PTPRM: variants seen among roughly 807,000 people sequenced by gnomAD.
The protein encoded by PTPRM is protein tyrosine phosphatase receptor type M.
PTPRM carries 47 observed loss-of-function variants against 186.7 expected under a neutral mutation model. The observed-to-expected ratio is 0.25, with a 90% CI of 0.20 to 0.32. The LOEUF (loss-of-function observed/expected upper bound fraction) is 0.32. PTPRM is among the 10% of genes least tolerant of loss of function. The pLI, the probability that PTPRM is intolerant of heterozygous loss-of-function variation, is 1.00. For missense variants in PTPRM, 1,494 were observed against 1,865.0 expected (o/e 0.80, Z 3.66); for synonymous variants, 668 against 674.9 (o/e 0.99, Z 0.16).
At chr18:7,769,401 T>C (rs2042169242) in intron 1 of PTPRM, among the ~76,000 whole-genome samples, 1 of 152,218 alleles carries the variant, frequency 6.6e-6, no homozygotes, top group African/African-American at 2.4e-5. Flanking sequence ...GGTGTGAGGA[T>C]TAAACAAGTC....
At chr18:8,318,285 CTTTTTTTTTTTTTT>C (rs140026832) in intron 21 of PTPRM, among the ~76,000 whole-genome samples, 8 of 59,906 alleles carry the variant, frequency 1.3e-4, no homozygotes, top group South Asian at 1.1e-3. Context: ...TTGTTTCCTT[CTTTTTTTTTTTTTT>C]TTTTTTTTTT....
intron 14 of PTPRM, among the ~76,000 whole-genome samples, chr18:8,221,866 C>T (rs554791510): frequency 1.4e-4 from 22 of 152,310 alleles, no homozygotes; most frequent in African/African-American, 4.6e-4. Flanking sequence ...GTGCCAATCA[C>T]CAAGTCTTGG....
At chr18:8,152,354 C>T (rs553602816) in intron 14 of PTPRM, among the ~76,000 whole-genome samples, 7 of 152,206 alleles carry the variant, frequency 4.6e-5, no homozygotes, top group Admixed American at 2.6e-4. Flanking sequence ...TATTTCAGGG[C>T]GAGTTAATAT....
At chr18:7,731,121 C>T (rs2040650053) in intron 1 of PTPRM, among the ~76,000 whole-genome samples, 1 of 152,210 alleles carries the variant, frequency 6.6e-6, no homozygotes, top group Admixed American at 6.5e-5. Flanking sequence ...TTTTATCTTA[C>T]AGGGTTTGCA....
At chr18:8,306,049 C>T (rs1410380547) in intron 20 of PTPRM, among the ~76,000 whole-genome samples, 1 of 152,062 alleles carries the variant, frequency 6.6e-6, no homozygotes, top group Non-Finnish European at 1.5e-5. Flanking sequence ...AGGCGCGCAT[C>T]ACCACACCTG....
At chr18:8,240,237 A>T (rs183717733) in intron 14 of PTPRM, among the ~76,000 whole-genome samples, 22 of 152,186 alleles carry the variant, frequency 1.4e-4, no homozygotes, top group Non-Finnish European at 2.8e-4. Context: ...GGACAAAAGC[A>T]TTTGACCTGT....
intron 1 of PTPRM, among the ~76,000 whole-genome samples, chr18:7,691,827 C>G (rs1052217948): frequency 2.6e-5 from 4 of 151,806 alleles, no homozygotes; most frequent in East Asian, 3.9e-4. Flanking sequence ...CCAAGCTACT[C>G]AGGCGGCTGA....
In PTPRM at chr18:8,142,259, C is replaced by T. The variant is rs112980543; in HGVS notation, c.2168-1388C>T. Among the ~76,000 whole-genome samples, 166 of 152,236 alleles carry T rather than the reference C, an allele frequency of 1.1e-3. 1 individual carries two copies. Among genetic ancestry groups the T allele is most frequent in the Non-Finnish European group, 1.3e-3 (90 of 68,020 alleles). ...TTTTGCATCATGGCTGCTGCTGTTG[C>T]GGCTCTCAAATGATTGGAATATGCT... On this transcript the variant is annotated intron_variant, in intron 13 of 32. Transcript: ENST00000580170.
intron 1 of PTPRM, among the ~76,000 whole-genome samples, chr18:7,596,693 G>A (rs1301154315): frequency 6.6e-6 from 1 of 152,066 alleles, no homozygotes; most frequent in African/African-American, 2.4e-5. Context: ...TATTTTTGGG[G>A]TACAAGGGGG....
At chr18:8,377,589 A>G (rs2095704783) in intron 26 of PTPRM, 1 of 152,180 alleles carries the variant, frequency 6.6e-6, no homozygotes, top group Admixed American at 6.5e-5. Context: ...ATTAAAGGTC[A>G]TATTTATGTA....
In PTPRM at chr18:8,100,129, C is replaced by CG. The variant is rs777782841; in HGVS notation, c.1856+11278_1856+11279insG. On this transcript the variant is annotated intron_variant, in intron 11 of 32. Coordinates refer to ENST00000580170, the MANE Select transcript of PTPRM (RefSeq NM_001105244.2). The stretch of plus-strand genomic sequence containing the variant: ...AGAGTGAGGAGGGAGATGCCACACA[C>CG]TTGTGTGTGTGTGTGTGTGTATGTG... 4.6e-3 allele frequency among the ~76,000 whole-genome samples: 687 copies of CG among 149,022 alleles called. 3 individuals are homozygous for CG. The highest frequency in any genetic ancestry group is 7.1e-3 in the Non-Finnish European group (482 of 67,890).
chr18:8,092,304 A>G (rs1600516222), intron 11 of PTPRM, among the ~76,000 whole-genome samples: 1 of 152,208 alleles, frequency 6.6e-6, no homozygotes. Flanking sequence ...CAATTCCATC[A>G]TTCCAGCCAG....
At chr18:8,235,369 C>A (rs551444080) in intron 14 of PTPRM, among the ~76,000 whole-genome samples, 2 of 150,770 alleles carry the variant, frequency 1.3e-5, no homozygotes, top group South Asian at 4.2e-4. Flanking sequence ...TAGAGTTGTT[C>A]GTAATATTCT....
At chr18:8,258,438 G>T (rs1183118549) in intron 19 of PTPRM, among the ~76,000 whole-genome samples, 1 of 152,088 alleles carries the variant, frequency 6.6e-6, no homozygotes, top group Non-Finnish European at 1.5e-5. Flanking sequence ...CCTAGACAAG[G>T]GTGTGTTGCA....
At chr18:8,144,715 C>T (rs868132011) in intron 14 of PTPRM, among the ~76,000 whole-genome samples, 42 of 152,172 alleles carry the variant, frequency 2.8e-4, no homozygotes, top group African/African-American at 9.7e-4. Context: ...GAAAACTATG[C>T]AGTGTCTTGT....
intron 4 of PTPRM, among the ~76,000 whole-genome samples, chr18:7,911,980 G>A (rs112909793): frequency 6.7e-6 from 1 of 149,966 alleles, no homozygotes; most frequent in Non-Finnish European, 1.5e-5. Context: ...AGCCTCCTGA[G>A]TAGCTGTGAT....
chr18:7,759,085 T>C (rs573630247), intron 1 of PTPRM, among the ~76,000 whole-genome samples: 108 of 152,330 alleles, frequency 7.1e-4, no homozygotes, highest in African/African-American at 2.4e-3. Flanking sequence ...CATTTGATCA[T>C]TGGTTTAAAC....
At chr18:7,610,290 AC>A (rs1235496678) in intron 1 of PTPRM, among the ~76,000 whole-genome samples, 1 of 152,188 alleles carries the variant, frequency 6.6e-6, no homozygotes, top group African/African-American at 2.4e-5. Flanking sequence ...TTCTCAGCCA[AC>A]ATGAATTTCA....
chr18:7,825,852 T>C (rs1335425555), intron 2 of PTPRM, among the ~76,000 whole-genome samples: 1 of 152,214 alleles, frequency 6.6e-6, no homozygotes, highest in African/African-American at 2.4e-5. Context: ...GTCTTGAAGC[T>C]TATGTTTTTC....
Sources: allele counts gnomAD v4.1 joint callset (sites outside exome capture counted in the v4.1 genomes callset), GRCh38; gene constraint gnomAD v4.1.1; transcripts MANE v1.5; gene names NCBI Gene and HGNC (gene_info 2026-07-23, HGNC 2026-07-21).